Variants in DENND3 observed in about 807,000 individuals in gnomAD.
The protein encoded by DENND3 is DENN domain containing 3, also known as DENN domain-containing protein 3.
In DENND3, 88 loss-of-function variants were observed where a neutral mutation model predicts 135.1. The ratio of observed to expected loss-of-function variants is 0.65; its 90% CI spans 0.55 to 0.78. The LOEUF (loss-of-function observed/expected upper bound fraction) is 0.78, where lower values mean the gene tolerates loss of function less well. Ranked by LOEUF, DENND3 falls within the 30% of genes least tolerant of loss-of-function variation. The probability of loss-of-function intolerance (pLI) is 0.00; values close to 1 mark genes in which losing one functional copy is unlikely to be tolerated. For missense variants in DENND3, 1,392 were observed against 1,688.4 expected, an observed-to-expected ratio of 0.82 and a Z score of 3.08; for synonymous variants, 693 against 712.3, an observed-to-expected ratio of 0.97 and a Z score of 0.43.
chr8:141,187,033 G>A (rs575860581), intron 18 of DENND3, among the ~76,000 whole-genome samples: 14 of 152,234 alleles, frequency 9.2e-5, no homozygotes, highest in Non-Finnish European at 1.8e-4. Context: ...TGCAGATGAC[G>A]TTCACATTTA....
At chr8:141,148,722 G>T (rs992271927) in intron 5 of DENND3, among the ~76,000 whole-genome samples, 1 of 151,746 alleles carries the variant, frequency 6.6e-6, no homozygotes, top group African/African-American at 2.4e-5. Flanking sequence ...ACCAAAGGCT[G>T]GTGGAGTGAT....
intron 13 of DENND3, among the ~76,000 whole-genome samples, chr8:141,172,937 A>C (rs1821816379): frequency 6.9e-6 from 1 of 145,646 alleles, no homozygotes; most frequent in Non-Finnish European, 1.5e-5. Flanking sequence ...AAAAGAAAGA[A>C]ATACATAAAA....
chr8:141,145,829 ATATATATATATATATATATATGTATTT>A (rs1351215048), intron 5 of DENND3, among the ~76,000 whole-genome samples: 5 of 36,428 alleles, frequency 1.4e-4, no homozygotes, highest in African/African-American at 4.5e-4. Flanking sequence ...ATATATATAT[ATATATATATATATATATATATGTATTT>A]TTTTTTTTTT....
chr8:141,128,950 C>CG lies in DENND3; in HGVS notation c.102+142dup. ...TCCCGGTCCCCCGGCGGTGACCCCGCGCGCCTGTGGCCGGGGATCGCGCCC... is the reference window on the plus strand; with the variant it reads ...TCCCGGTCCCCCGGCGGTGACCCCGCGGCGCCTGTGGCCGGGGATCGCGCCC... On this transcript the variant is annotated intron_variant, in intron 1 of 22. Transcript: ENST00000519811. This position sits in a 1 kb window ranked among gnomAD's most constrained non-coding sequence, Gnocchi z 4.5. The CG allele has an allele frequency of 1.6e-6, 1 of 610,214 alleles. No individual in the cohort carries two copies. Among genetic ancestry groups the CG allele is most frequent in the Non-Finnish European group, 2.5e-6 (1 of 402,484 alleles). The allele number at this position is 610,214 out of a possible 1,614,324, so 37.8% of individuals were successfully genotyped here.
chr8:141,167,737 A>T lies in DENND3; in HGVS notation c.1754-267A>T, dbSNP rs1474687384. On this transcript the variant is annotated intron_variant, in intron 12 of 22. Coordinates refer to ENST00000519811, the MANE Select transcript of DENND3 (RefSeq NM_001352890.3). This position sits in a 1 kb window ranked among gnomAD's most constrained non-coding sequence, Gnocchi z 4.1. The stretch of plus-strand genomic sequence containing the variant: ...CTCAAATAAAGCCTCAGTACCCGAT[A>T]CCTCAGTAGTATTACTAGTTGTAGC... Among the ~76,000 whole-genome samples the T allele has an allele frequency of 6.6e-6, 1 of 152,140 alleles. No individual in the cohort carries two copies. Among genetic ancestry groups the T allele is most frequent in the Non-Finnish European group, 1.5e-5 (1 of 68,018 alleles).
In DENND3 at chr8:141,166,505, G is replaced by A. The variant is rs1820818270; in HGVS notation, c.1753+116G>A. On this transcript the variant is annotated intron_variant, in intron 12 of 22. Transcript: ENST00000519811. This position sits in a 1 kb window ranked among gnomAD's most constrained non-coding sequence, Gnocchi z 4.3. ...AGAGACGAGTGGGCTTGTTTTAGCAGCTGAGTTATTTGAAATGTTTAGAAT... is the reference window on the plus strand; with the variant it reads ...AGAGACGAGTGGGCTTGTTTTAGCAACTGAGTTATTTGAAATGTTTAGAAT... 9.1e-7 allele frequency: 1 copy of A among 1,095,608 alleles called. No homozygotes were observed. The highest frequency in any genetic ancestry group is 1.3e-6 in the Non-Finnish European group (1 of 780,008). 67.9% of individuals were successfully genotyped at this position (1,095,608 alleles called of 1,614,324 possible). A position where few individuals can be genotyped will look rare whatever the true frequency, so the allele number is the denominator to read the frequency against.
chr8:141,129,861 G>C (rs1190410542), intron 1 of DENND3: 1 of 152,274 alleles, frequency 6.6e-6, no homozygotes, highest in East Asian at 1.9e-4. Flanking sequence ...CCTGCTGGGC[G>C]TCAGTACCAA....
rs1282868403 is a variant in DENND3, at chr8:141,180,730, A to G, written c.2837-17A>G. On this transcript the variant is annotated splice_polypyrimidine_tract_variant and intron_variant, in intron 16 of 22. Transcript: ENST00000519811. Reference sequence around the variant, plus strand: ...TTGAGGCTGCAACAGTAACACTCCAAGTGTCTTGTCTTTCAGTGCCCATGA... The same window carrying G: ...TTGAGGCTGCAACAGTAACACTCCAGGTGTCTTGTCTTTCAGTGCCCATGA... 5.6e-6 allele frequency: 9 copies of G among 1,609,950 alleles called. No homozygotes were observed. Among genetic ancestry groups the G allele is most frequent in the Non-Finnish European group, 6.8e-6 (8 of 1,177,372 alleles).
intron 1 of DENND3, among the ~76,000 whole-genome samples, chr8:141,133,733 G>C (rs894939799): frequency 2.0e-5 from 3 of 152,220 alleles, no homozygotes; most frequent in African/African-American, 7.2e-5. Flanking sequence ...GGCCCGAGGG[G>C]CTGGAGTACC....
intron 3 of DENND3, among the ~76,000 whole-genome samples, chr8:141,140,099 G>T (rs1817271280): frequency 1.3e-5 from 2 of 152,046 alleles, no homozygotes; most frequent in Admixed American, 1.3e-4. Flanking sequence ...TTTTTGTAGA[G>T]ATGAGGTCTT....
At chr8:141,169,419 C>T (rs1456629799) in intron 13 of DENND3, among the ~76,000 whole-genome samples, 6 of 152,360 alleles carry the variant, frequency 3.9e-5, no homozygotes, top group Middle Eastern at 3.4e-3. Context: ...GAGATGAAGA[C>T]GCTCCTTGTC....
In DENND3 at chr8:141,137,171, G is replaced by A. The variant is rs1816880974; in HGVS notation, c.385+380G>A. On this transcript the variant is annotated intron_variant, in intron 2 of 22. Transcript: ENST00000519811. The surrounding 1 kb of genome is among the most constrained non-coding windows in gnomAD (Gnocchi z 4.1). ...ACTTTTGTGTCTTTAGTAGAAATGG[G>A]GTTTCACCATGTTGGCCAGGCTGGT... is the stretch of plus-strand genomic sequence containing the variant. Among the ~76,000 whole-genome samples, 1 of 152,034 alleles carries A rather than the reference G, an allele frequency of 6.6e-6. No homozygotes were observed. Among genetic ancestry groups the A allele is most frequent in the East Asian group, 1.9e-4 (1 of 5,188 alleles).
chr8:141,166,073 A>T lies in DENND3; in HGVS notation c.1554-117A>T. 9.8e-7 allele frequency: 1 copy of T among 1,023,738 alleles called. No homozygotes were observed. The highest frequency in any genetic ancestry group is 1.5e-6 in the Non-Finnish European group (1 of 674,138). The allele number at this position is 1,023,738 out of a possible 1,614,324, so 63.4% of individuals were successfully genotyped here. ...ACATGTTCTTACCAGTCTGTTTTCC[A>T]CTGGTGTCCAAGAGTGTCATGTGCT... On this transcript the variant is annotated intron_variant, in intron 11 of 22. Coordinates refer to ENST00000519811, the MANE Select transcript of DENND3 (RefSeq NM_001352890.3). This position sits in a 1 kb window ranked among gnomAD's most constrained non-coding sequence, Gnocchi z 4.3.
intron 17 of DENND3, chr8:141,184,763 T>TGCCC (rs1265575156): frequency 5.4e-6 from 1 of 184,206 alleles, no homozygotes; most frequent in Non-Finnish European, 1.1e-5. Flanking sequence ...TCTCTCCAGC[T>TGCCC]GCCCTCCCTC....
intron 5 of DENND3, among the ~76,000 whole-genome samples, chr8:141,147,274 C>T (rs1052235783): frequency 6.6e-6 from 1 of 152,204 alleles, no homozygotes; most frequent in Non-Finnish European, 1.5e-5. Context: ...CATTCTCCAC[C>T]CTTCCATTTG....
chr8:141,136,508 G>T lies in DENND3; in HGVS notation c.103-1G>T, dbSNP rs1318297221. On this transcript the variant is annotated splice_acceptor_variant, in intron 1 of 22. Coordinates refer to ENST00000519811, the MANE Select transcript of DENND3 (RefSeq NM_001352890.3). LOFTEE classifies it high-confidence loss of function. ...GTAACTCTTATTTTTCCCTTTTTTAGGTTGCTTATAAAAAGGGAGTCAAAC... is the reference window on the plus strand; with the variant it reads ...GTAACTCTTATTTTTCCCTTTTTTATGTTGCTTATAAAAAGGGAGTCAAAC... The T allele has an allele frequency of 6.5e-7, 1 of 1,539,510 alleles. No individual in the cohort carries two copies. Among genetic ancestry groups the T allele is most frequent in the African/African-American group, 1.4e-5 (1 of 72,554 alleles).
rs770655578 is a variant in DENND3 at position 141,160,750 on chromosome 8, C to A, written c.1315C>A (p.Gln439Lys). The A allele has an allele frequency of 7.4e-6, 12 of 1,612,828 alleles. No homozygotes were observed. The South Asian group carries it at 1.3e-4, about 18-fold the overall frequency. The change falls in exon 9 of 23, where the codon CAG (glutamine) becomes AAG (lysine). Residue 439 changes from glutamine (Q) to lysine (K), a missense_variant. Gln to Lys is a moderately conservative substitution (Grantham distance 53, BLOSUM62 1). Transcript: ENST00000519811. Reference protein sequence around the residue: ...SWQQKLNCQIQQTTLQLLVSI... With the variant: ...SWQQKLNCQIKQTTLQLLVSI... ...GCAGCAGAAACTCAACTGCCAGATA[C>A]AGCAGACCACCCTGCAGCTGCTCGT...
At chr8:141,184,217 T>C (rs773275092) in intron 17 of DENND3, among the ~76,000 whole-genome samples, 2 of 152,228 alleles carry the variant, frequency 1.3e-5, no homozygotes, top group Non-Finnish European at 2.9e-5. Context: ...AATCATTGCT[T>C]TTAATGTAGT....
chr8:141,176,966 G>C (rs772557963), intron 15 of DENND3: 1 of 592,852 alleles, frequency 1.7e-6, no homozygotes, highest in African/African-American at 1.9e-5. Context: ...ACGGTGCTAC[G>C]GAAGAGCATG....
Sources: gnomAD v4.1 joint callset for allele counts (sites outside exome capture counted in the v4.1 genomes callset) on GRCh38, gnomAD v4.1.1 for gene constraint, Gnocchi (gnomAD v3.1) non-coding constraint, MANE v1.5 for transcripts, NCBI Gene and HGNC (gene_info 2026-07-23, HGNC 2026-07-21) for gene names.